The following MSH3 variants were observed in gnomAD, a reference collection of about 807,000 sequenced individuals.
MSH3 encodes the protein mutS homolog 3.
In MSH3, 106 loss-of-function variants were observed where a neutral mutation model predicts 123.3. The observed-to-expected ratio is 0.86, with a 90% CI of 0.73 to 1.01. The LOEUF is 1.01. Among genes scored for constraint, MSH3 ranks in the 50% least tolerant of loss-of-function variants. MSH3 has a pLI of 0.00. For synonymous variants in MSH3, 515 were observed against 481.4 expected (o/e 1.07, Z -0.91); for missense variants, 1,459 against 1,347.6 (o/e 1.08, Z -1.29).
chr5:80,798,311 A>C (rs1298347573), intron 19 of MSH3, among the ~76,000 whole-genome samples: 1 of 151,982 alleles, frequency 6.6e-6, no homozygotes, highest in Non-Finnish European at 1.5e-5. Flanking sequence ...TGTGGTATGG[A>C]ATGGGTGCTC....
At chr5:80,706,033 C>A (rs1332217164) in intron 8 of MSH3, among the ~76,000 whole-genome samples, 1 of 152,126 alleles carries the variant, frequency 6.6e-6, no homozygotes, top group Non-Finnish European at 1.5e-5. Context: ...GGTAGTTGCA[C>A]AGTAAAGATT....
intron 10 of MSH3, among the ~76,000 whole-genome samples, chr5:80,740,671 G>A (rs1462185772): frequency 6.7e-6 from 1 of 148,690 alleles, no homozygotes; most frequent in Non-Finnish European, 1.5e-5. Context: ...CATGTGTGTT[G>A]TTAATTACAG....
intron 8 of MSH3, among the ~76,000 whole-genome samples, chr5:80,723,645 G>A (rs544148493): frequency 6.6e-6 from 1 of 152,084 alleles, no homozygotes; most frequent in Admixed American, 6.6e-5. Context: ...AATTTGTATG[G>A]TTATGATAAA....
chr5:80,875,953 C>A lies in MSH3; in HGVS notation c.*91C>A. On this transcript the variant is annotated 3_prime_UTR_variant, in exon 24 of 24. Coordinates refer to ENST00000265081, the MANE Select transcript of MSH3 (RefSeq NM_002439.5). ...CCAGTAACAGCCTATCTTTGTGTGA[C>A]ATGTGAGCATAAAATTATGACCATG... is the stretch of plus-strand genomic sequence containing the variant. 3 of 783,322 alleles carry A rather than the reference C, an allele frequency of 3.8e-6. No homozygotes were observed. Among genetic ancestry groups the A allele is most frequent in the Non-Finnish European group, 6.7e-6 (3 of 449,464 alleles). 48.5% of individuals were successfully genotyped at this position (783,322 alleles called of 1,614,324 possible). A position where few individuals can be genotyped will look rare whatever the true frequency, so the allele number is the denominator to read the frequency against.
At chr5:80,748,611 T>C (rs1743765987) in intron 12 of MSH3, among the ~76,000 whole-genome samples, 1 of 152,114 alleles carries the variant, frequency 6.6e-6, no homozygotes, top group Non-Finnish European at 1.5e-5. Flanking sequence ...CTTTTAAAAT[T>C]AGATTATATC....
intron 8 of MSH3, among the ~76,000 whole-genome samples, chr5:80,693,079 ATG>A (rs1750354200): frequency 1.5e-5 from 2 of 133,606 alleles, no homozygotes; most frequent in African/African-American, 2.7e-5. Flanking sequence ...GCACATGTAT[ATG>A]TTTATATAGA....
intron 8 of MSH3, among the ~76,000 whole-genome samples, chr5:80,679,494 AT>A (rs1204418824): frequency 6.6e-6 from 1 of 152,222 alleles, no homozygotes; most frequent in East Asian, 1.9e-4. Flanking sequence ...GGTTTATGAT[AT>A]TTAATTATTG....
rs968164390 is a variant in MSH3, at chr5:80,864,264, G to C, written c.3001-549G>C. Among the ~76,000 whole-genome samples the C allele has an allele frequency of 8.5e-5, 13 of 152,256 alleles. 1 individual carries two copies. The highest frequency in any genetic ancestry group is 5.9e-4 in the Admixed American group (9 of 15,292). On this transcript the variant is annotated intron_variant, in intron 21 of 23. Coordinates refer to ENST00000265081, the MANE Select transcript of MSH3 (RefSeq NM_002439.5). ...TAGTCCTCACTGGCAATGATGTTTG[G>C]AGGAAATAGCAAAGTCCAAATTGAA...
Position 80,693,624 on chromosome 5 carries a change from T to TACACAC in MSH3, c.1340+14551_1340+14556dup, listed in dbSNP as rs370934498. Among the ~76,000 whole-genome samples, 862 of 146,036 alleles carry TACACAC rather than the reference T, an allele frequency of 5.9e-3. 13 individuals carry two copies. Among genetic ancestry groups the TACACAC allele is most frequent in the African/African-American group, 0.019 (758 of 39,812 alleles). On this transcript the variant is annotated intron_variant, in intron 8 of 23. Transcript: ENST00000265081. ...ACATACATATATACACACACACATA[T>TACACAC]ACACACACACACACACACACACACA...
chr5:80,702,022 A>G (rs1290896151), intron 8 of MSH3, among the ~76,000 whole-genome samples: 2 of 152,114 alleles, frequency 1.3e-5, no homozygotes, highest in African/African-American at 4.8e-5. Flanking sequence ...CAGAAACAAA[A>G]AAAACCCAAA....
At chr5:80,691,961 GTATATGTTTATATAGATAAACATGTA>G (rs1561444419) in intron 8 of MSH3, among the ~76,000 whole-genome samples, 1,156 of 64,026 alleles carry the variant, frequency 0.018, 216 homozygotes, top group East Asian at 0.077. Context: ...AGATAAACAT[GTATATGTTTATATAGATAAACATGTA>G]TATGTTTAGA....
chr5:80,764,304 A>G (rs551367728), intron 13 of MSH3, among the ~76,000 whole-genome samples: 1 of 152,310 alleles, frequency 6.6e-6, no homozygotes, highest in East Asian at 1.9e-4. Context: ...ATATGTACCA[A>G]TAGGTGTTTT....
chr5:80,680,297 T>G (rs916165851), intron 8 of MSH3, among the ~76,000 whole-genome samples: 5 of 151,986 alleles, frequency 3.3e-5, no homozygotes, highest in Non-Finnish European at 7.4e-5. Flanking sequence ...ATTGATTAAG[T>G]GAAGTTCCAT....
intron 8 of MSH3, among the ~76,000 whole-genome samples, chr5:80,707,759 TGAA>T (rs1750756092): frequency 6.6e-6 from 1 of 152,108 alleles, no homozygotes; most frequent in Non-Finnish European, 1.5e-5. Context: ...AAGTAACAGC[TGAA>T]GTAGGTTTTG....
At chr5:80,699,686 C>G (rs1281475003) in intron 8 of MSH3, among the ~76,000 whole-genome samples, 1 of 151,098 alleles carries the variant, frequency 6.6e-6, no homozygotes, top group Admixed American at 6.6e-5. Flanking sequence ...TTCATTTACT[C>G]TTTTGGAAAG....
chr5:80,658,184 G>A (rs996125657), intron 2 of MSH3, among the ~76,000 whole-genome samples: 20 of 151,570 alleles, frequency 1.3e-4, no homozygotes, highest in Non-Finnish European at 1.9e-4. Flanking sequence ...TCAGCCTCCC[G>A]AATAGCTGGG....
intron 17 of MSH3, among the ~76,000 whole-genome samples, chr5:80,779,741 T>C (rs1344617369): frequency 6.6e-6 from 1 of 151,686 alleles, no homozygotes; most frequent in Non-Finnish European, 1.5e-5. Context: ...TTTTTTTGTA[T>C]TTTTAATAGA....
chr5:80,709,603 G>T (rs1165827374), intron 8 of MSH3, among the ~76,000 whole-genome samples: 1 of 152,134 alleles, frequency 6.6e-6, no homozygotes, highest in Admixed American at 6.5e-5. Flanking sequence ...CTGCACTCCA[G>T]CCTGGGCGAC....
At chr5:80,800,944 GT>G (rs1744779809) in intron 19 of MSH3, among the ~76,000 whole-genome samples, 1 of 152,200 alleles carries the variant, frequency 6.6e-6, no homozygotes, top group Non-Finnish European at 1.5e-5. Context: ...TGTAGATTGG[GT>G]GGTCAAGGAA....
Sources: allele counts gnomAD v4.1 joint callset (sites outside exome capture counted in the v4.1 genomes callset), GRCh38; gene constraint gnomAD v4.1.1; transcripts MANE v1.5; gene names NCBI Gene and HGNC (gene_info 2026-07-23, HGNC 2026-07-21).